The following COL1A1 variants were observed in gnomAD, a reference collection of about 807,000 sequenced individuals.
The protein encoded by COL1A1 is collagen alpha-1(I) chain.
COL1A1 carries 21 observed loss-of-function variants against 195.7 expected under a neutral mutation model. The ratio of observed to expected loss-of-function variants is 0.11; its 90% CI spans 0.08 to 0.15. The LOEUF is 0.15. COL1A1 is among the 10% of genes least tolerant of loss of function. The pLI, the probability that COL1A1 is intolerant of heterozygous loss-of-function variation, is 1.00. For missense variants in COL1A1, 1,365 were observed against 2,051.0 expected, an observed-to-expected ratio of 0.67 and a Z score of 6.46; for synonymous variants, 749 against 747.3, an observed-to-expected ratio of 1.00 and a Z score of -0.04.
rs765544574 is a variant in COL1A1, at chr17:50,194,537, G to A, written c.1515+36C>T. The A allele has an allele frequency of 1.7e-5, 28 of 1,608,764 alleles. No individual in the cohort carries two copies. Among genetic ancestry groups the A allele is most frequent in the East Asian group, 4.5e-5 (2 of 44,640 alleles). On this transcript the variant is annotated intron_variant, in intron 22 of 50. Coordinates refer to ENST00000225964, the MANE Select transcript of COL1A1 (RefSeq NM_000088.4). This position sits in a 1 kb window ranked among gnomAD's most constrained non-coding sequence, Gnocchi z 6.8. ...AAGAGGAAGAAGATGCCCAGGGAGC[G>A]GCAGGGTCAGCCCCCCGGCCGCAAG...
Position 50,195,537 on chromosome 17 carries a change from C to T in COL1A1, c.1155+30G>A. On this transcript the variant is annotated intron_variant, in intron 17 of 50. Coordinates refer to ENST00000225964, the MANE Select transcript of COL1A1 (RefSeq NM_000088.4). This position sits in a 1 kb window ranked among gnomAD's most constrained non-coding sequence, Gnocchi z 4.3. ...CAAGGACTCTGAGGTTAGAAAGTGG[C>T]AAAGGGGACACTGAGTCGGGGACAC... 1 of 1,613,936 alleles carries T rather than the reference C, an allele frequency of 6.2e-7. No homozygotes were observed. The highest frequency in any genetic ancestry group is 8.5e-7 in the Non-Finnish European group (1 of 1,179,906).
rs200319927 is a variant in COL1A1 at position 50,188,099 on chromosome 17, G to A, written c.3258C>T (p.Pro1086=). ...GGGGACACAGCAGGGTACTTACGGC[G>A]GGGCCACGGGCGCCAACAGGGCCGA... ...GPVGPVGARG[P]AGPQGPRGDK... is the part of the protein sequence containing the mutation. Residue 1086 remains proline (P), a synonymous_variant, in exon 44 of 51, where the codon CCC becomes CCT. Coordinates refer to ENST00000225964, the MANE Select transcript of COL1A1 (RefSeq NM_000088.4). The surrounding 1 kb of genome is among the most constrained non-coding windows in gnomAD (Gnocchi z 5.6). 2.3e-5 allele frequency: 36 copies of A among 1,597,340 alleles called. No homozygotes were observed. Among genetic ancestry groups the A allele is most frequent in the Admixed American group, 5.2e-5 (3 of 57,524 alleles).
chr17:50,196,251 C>T, intron 14 of COL1A1, 52 bp from the exon 15 acceptor site: 1 of 1,612,412 alleles, frequency 6.2e-7, no homozygotes, highest in Non-Finnish European at 8.5e-7. Context: ...TGGCCAGTCC[C>T]TAGAGTTCCT....
chr17:50,188,060 G>A lies in COL1A1; in HGVS notation c.3261+36C>T. ...GTGGGGCACTGTCTGCATCTGTAGA[G>A]TTCTAAAGGCATGGGGGACACAGCA... is the stretch of plus-strand genomic sequence containing the variant. On this transcript the variant is annotated intron_variant, in intron 44 of 50. Transcript: ENST00000225964. This position sits in a 1 kb window ranked among gnomAD's most constrained non-coding sequence, Gnocchi z 5.6. 1 of 1,613,536 alleles carries A rather than the reference G, an allele frequency of 6.2e-7. No homozygotes were observed. The highest frequency in any genetic ancestry group is 1.1e-5 in the South Asian group (1 of 91,020).
At position 50,186,588 on chromosome 17, in the gene COL1A1, A is replaced by C; in HGVS notation, c.3814+52T>G. 1 of 1,613,542 alleles carries C rather than the reference A, an allele frequency of 6.2e-7. No homozygotes were observed. The highest frequency in any genetic ancestry group is 1.1e-5 in the South Asian group (1 of 91,068). ...GGTAGGGGCACATATGGGCATGGGG[A>C]CCCTGGCATGGCAGGAGTAGGAGGG... On this transcript the variant is annotated intron_variant, in intron 48 of 50. Coordinates refer to ENST00000225964, the MANE Select transcript of COL1A1 (RefSeq NM_000088.4). This position sits in a 1 kb window ranked among gnomAD's most constrained non-coding sequence, Gnocchi z 5.3.
At position 50,185,457 on chromosome 17, in the gene COL1A1, G is replaced by A. The variant is rs753857342; in HGVS notation, c.*45C>T. 21 of 1,611,512 alleles carry A rather than the reference G, an allele frequency of 1.3e-5. No individual in the cohort carries two copies. The highest frequency in any genetic ancestry group is 1.7e-5 in the Non-Finnish European group (20 of 1,178,582). ...TGCTTGTCTGTTTCCGGGTTGGGGG[G>A]AAAGTTGGTTGGGTGGGAGGGAGCC... On this transcript the variant is annotated 3_prime_UTR_variant, in exon 51 of 51. Coordinates refer to ENST00000225964, the MANE Select transcript of COL1A1 (RefSeq NM_000088.4).
In COL1A1 at chr17:50,188,122, C is replaced by T. The variant is rs72654802; in HGVS notation, c.3235G>A (p.Gly1079Ser). The T allele has an allele frequency of 6.3e-7, 1 of 1,577,284 alleles. No homozygotes were observed. The highest frequency in any genetic ancestry group is 8.6e-7 in the Non-Finnish European group (1 of 1,160,034). Residue 1079 changes from glycine (G) to serine (S), a missense_variant, in exon 44 of 51, where the codon GGC (glycine) becomes AGC (serine). Around this residue, in one of 5 missense-constraint regions of COL1A1, gnomAD observed 671 missense variants for 1,099.9 expected, o/e 0.61. Transcript: ENST00000225964. The surrounding 1 kb of genome is among the most constrained non-coding windows in gnomAD (Gnocchi z 5.6). ...TGPAGPAGPVGPVGARGPAGP... is the reference protein window; with the variant it reads ...TGPAGPAGPVSPVGARGPAGP... ...GCGGGGCCACGGGCGCCAACAGGGC[C>T]GACAGGACCGGCGGGACCAGCAGGA...
rs374615784 is a variant in COL1A1, at chr17:50,189,174, G to T, written c.2931C>A (p.Gly977=). 5 of 1,613,794 alleles carry T rather than the reference G, an allele frequency of 3.1e-6. No homozygotes were observed. In the Admixed American group the frequency reaches 5.0e-5, roughly 16 times the overall value. Residue 977 remains glycine, a synonymous_variant, in exon 40 of 51, where the codon GGC becomes GGA. Coordinates refer to ENST00000225964, the MANE Select transcript of COL1A1 (RefSeq NM_000088.4). This position sits in a 1 kb window ranked among gnomAD's most constrained non-coding sequence, Gnocchi z 5.5. ...RGERGFPGLP[G]PSGEPGKQGP... is the part of the protein sequence containing the mutation. ...AGGTGAGGGGGGCACTTACAGAGGG[G>T]CCAGGAAGACCAGGGAAGCCTCTCT...
rs78377092 is a variant in COL1A1, at chr17:50,190,980, G to A, written c.2236-56C>T. 6,706 of 1,536,810 alleles carry A rather than the reference G, an allele frequency of 4.4e-3. 247 individuals carry two copies. The African/African-American group carries it at 0.079, about 18-fold the overall frequency. ...GTGTGGGGCAAGGAGGTGACCTATAGTGTTCTGCTTGTGTCTGGGTTTCCT... is the reference window on the plus strand; with the variant it reads ...GTGTGGGGCAAGGAGGTGACCTATAATGTTCTGCTTGTGTCTGGGTTTCCT... On this transcript the variant is annotated intron_variant, in intron 32 of 50. Transcript: ENST00000225964. The surrounding 1 kb of genome is among the most constrained non-coding windows in gnomAD (Gnocchi z 4.7).
chr17:50,186,753 G>A lies in COL1A1; in HGVS notation c.3701C>T (p.Thr1234Ile), dbSNP rs761711691. ...GATCTGCTGGCTCAGGCTCTTGAGG[G>A]TGGTGTCCACCTCGAGGTCACGGTC... The part of the protein sequence containing the change: ...VRDRDLEVDT[T>I]LKSLSQQIEN... The change falls in exon 48 of 51, where the codon ACC becomes ATC. Residue 1234 changes from threonine to isoleucine, a missense_variant. Transcript: ENST00000225964. The surrounding 1 kb of genome is among the most constrained non-coding windows in gnomAD (Gnocchi z 5.3). 6.2e-7 allele frequency: 1 copy of A among 1,614,030 alleles called. No individual in the cohort carries two copies. Among genetic ancestry groups the A allele is most frequent in the Non-Finnish European group, 8.5e-7 (1 of 1,180,046 alleles).
In COL1A1 at chr17:50,185,274, TTTG is replaced by T; in HGVS notation, c.*225_*227del. The T allele has an allele frequency of 3.3e-6, 1 of 304,490 alleles. No homozygotes were observed. Among genetic ancestry groups the T allele is most frequent in the Non-Finnish European group, 6.0e-6 (1 of 165,560 alleles). 18.9% of individuals were successfully genotyped at this position (304,490 alleles called of 1,614,324 possible). The stretch of plus-strand genomic sequence containing the variant: ...TATTTATTCTTTTTTTTTTTTTTTT[TTTG>T]GTAAGGTTGAATGCACTTTTGGTTT... On this transcript the variant is annotated 3_prime_UTR_variant, in exon 51 of 51. Coordinates refer to ENST00000225964, the MANE Select transcript of COL1A1 (RefSeq NM_000088.4).
chr17:50,199,507 T>C, intron 3 of COL1A1, 49 bp downstream of exon 3: 1 of 1,613,996 alleles, frequency 6.2e-7, no homozygotes, highest in Non-Finnish European at 8.5e-7. Flanking sequence ...GGGAGGACTG[T>C]GAGGAGTCAC....
In COL1A1 at chr17:50,189,808, C is replaced by G. The variant is rs112018864; in HGVS notation, c.2613+51G>C. On this transcript the variant is annotated intron_variant, in intron 37 of 50. Transcript: ENST00000225964. This position sits in a 1 kb window ranked among gnomAD's most constrained non-coding sequence, Gnocchi z 5.5. ...CGACCCAGCTGCCCTCACCTGCCACCGCTGCCTGGGGAGAGGGGAGAGGCT... is the reference window on the plus strand; with the variant it reads ...CGACCCAGCTGCCCTCACCTGCCACGGCTGCCTGGGGAGAGGGGAGAGGCT... 1.9e-6 allele frequency: 3 copies of G among 1,611,948 alleles called. No individual in the cohort carries two copies. Among genetic ancestry groups the G allele is most frequent in the East Asian group, 4.5e-5 (2 of 44,798 alleles).
Position 50,195,406 on chromosome 17 carries a change from T to A in COL1A1, c.1200+28A>T, listed in dbSNP as rs1598297021. On this transcript the variant is annotated intron_variant, in intron 18 of 50. Coordinates refer to ENST00000225964, the MANE Select transcript of COL1A1 (RefSeq NM_000088.4). The surrounding 1 kb of genome is among the most constrained non-coding windows in gnomAD (Gnocchi z 4.3). Reference sequence around the variant, plus strand: ...GCAGGCAGGCTGCAGGCGGCAGGAGTGGGACTGAAGCCTGGCAGGATACTT... The same window carrying A: ...GCAGGCAGGCTGCAGGCGGCAGGAGAGGGACTGAAGCCTGGCAGGATACTT... 6.2e-7 allele frequency: 1 copy of A among 1,613,384 alleles called. No individual in the cohort carries two copies. The highest frequency in any genetic ancestry group is 1.3e-5 in the African/African-American group (1 of 74,684).
At position 50,192,226 on chromosome 17, in the gene COL1A1, C is replaced by T. The variant is rs1011327744; in HGVS notation, c.1984-202G>A. The T allele has an allele frequency of 7.0e-6, 5 of 719,048 alleles. No individual in the cohort carries two copies. The African/African-American group carries it at 8.8e-5, about 13-fold the overall frequency. The allele number at this position is 719,048 out of a possible 1,614,324, so 44.5% of individuals were successfully genotyped here. ...CTTCCCCCCTCCCCAAACTATGGAC[C>T]AAGATTTATCAATAGAAGGGTTGAG... On this transcript the variant is annotated intron_variant, in intron 29 of 50. Coordinates refer to ENST00000225964, the MANE Select transcript of COL1A1 (RefSeq NM_000088.4).
chr17:50,191,029 C>T, intron 32 of COL1A1, 105 bp from the exon 33 acceptor site: 3 of 1,049,616 alleles, frequency 2.9e-6, no homozygotes, highest in Non-Finnish European at 2.9e-6. Flanking sequence ...CAGCTCTGCC[C>T]TGCCTCCACC....
At chr17:50,198,253 AG>A in intron 6 of COL1A1, 48 bp from the exon 7 acceptor site, 1 of 1,608,398 alleles carries the variant, frequency 6.2e-7, no homozygotes, top group Non-Finnish European at 8.5e-7. Context: ...TCTGTAGGAA[AG>A]CATGTGGATG....
At chr17:50,196,805 A>G (rs1209563103) in intron 11 of COL1A1, 135 bp from the exon 12 acceptor site, 12 of 1,178,598 alleles carry the variant, frequency 1.0e-5, no homozygotes, top group Non-Finnish European at 1.5e-5. Context: ...CTAAACCCCA[A>G]CTGGCTCTAG....
Position 50,194,275 on chromosome 17 carries a change from A to C in COL1A1, c.1614+74T>G. The C allele has an allele frequency of 6.2e-7, 1 of 1,600,172 alleles. No homozygotes were observed. The highest frequency in any genetic ancestry group is 1.1e-5 in the South Asian group (1 of 90,780). ...GAGGGCAGACCCTTGGGCCTGATCC[A>C]GAACGCCTCATCCCAGACCCTACAC... On this transcript the variant is annotated intron_variant, in intron 23 of 50. Transcript: ENST00000225964. The surrounding 1 kb of genome is among the most constrained non-coding windows in gnomAD (Gnocchi z 6.8).
Sources: gnomAD v4.1 joint callset for allele counts on GRCh38, gnomAD v4.1.1 for gene constraint, gnomAD v4.1.1 regional missense constraint, Gnocchi (gnomAD v3.1) non-coding constraint, MANE v1.5 for transcripts, NCBI Gene and HGNC (gene_info 2026-07-23, HGNC 2026-07-21) for gene names.